COL19A1: variants seen among roughly 807,000 people sequenced by gnomAD.
COL19A1 encodes collagen alpha-1(XIX) chain.
In COL19A1, 159 loss-of-function variants were observed where a neutral mutation model predicts 190.2. The observed-to-expected ratio is 0.84, with a 90% CI of 0.73 to 0.95. The LOEUF is 0.95. COL19A1 is among the 40% of genes least tolerant of loss of function. The pLI, the probability that COL19A1 is intolerant of heterozygous loss-of-function variation, is 0.00. For synonymous variants in COL19A1, 509 were observed against 458.9 expected, an observed-to-expected ratio of 1.11 and a Z score of -1.39; for missense variants, 1,418 against 1,431.9, an observed-to-expected ratio of 0.99 and a Z score of 0.16.
chr6:69,993,619 T>C (rs1476465781), intron 11 of COL19A1, among the ~76,000 whole-genome samples: 1 of 152,126 alleles, frequency 6.6e-6, no homozygotes, highest in East Asian at 1.9e-4. Context: ...TTTTCATTAC[T>C]GATTCCATTT....
At chr6:69,880,854 G>T (rs553493912) in intron 2 of COL19A1, among the ~76,000 whole-genome samples, 1 of 152,250 alleles carries the variant, frequency 6.6e-6, no homozygotes, top group South Asian at 2.1e-4. Flanking sequence ...ATTCTGATAC[G>T]ATTTCTACTC....
chr6:70,144,296 A>T (rs1446757556), intron 24 of COL19A1, 33 bp downstream of exon 24: 3 of 1,548,804 alleles, frequency 1.9e-6, no homozygotes, highest in South Asian at 1.1e-5. Flanking sequence ...TTTATATGTT[A>T]AGTAGATAGG....
intron 15 of COL19A1, among the ~76,000 whole-genome samples, chr6:70,091,431 A>C (rs1782919432): frequency 6.6e-6 from 1 of 152,212 alleles, no homozygotes; most frequent in Non-Finnish European, 1.5e-5. Context: ...ATGGTAAAGC[A>C]TCTAACCCAC....
intron 15 of COL19A1, among the ~76,000 whole-genome samples, chr6:70,095,951 G>T (rs1376765054): frequency 3.9e-5 from 6 of 152,052 alleles, no homozygotes; most frequent in Non-Finnish European, 8.8e-5. Context: ...TGACATTTGG[G>T]TTAGTTCCAC....
intron 42 of COL19A1, 141 bp downstream of exon 42, chr6:70,176,705 A>C: frequency 1.7e-6 from 1 of 595,210 alleles, no homozygotes; most frequent in Non-Finnish European, 2.7e-6. Flanking sequence ...TAGTTTCATA[A>C]ATAATGCCAC....
chr6:69,998,232 A>C (rs1777039178), intron 11 of COL19A1, among the ~76,000 whole-genome samples: 1 of 152,242 alleles, frequency 6.6e-6, no homozygotes, highest in Non-Finnish European at 1.5e-5. Context: ...GAAGTCCCAC[A>C]TGCAAATACA....
intron 27 of COL19A1, among the ~76,000 whole-genome samples, chr6:70,148,538 G>A (rs1238724744): frequency 6.6e-6 from 1 of 152,160 alleles, no homozygotes; most frequent in Admixed American, 6.5e-5. Context: ...AGCAGTGAAG[G>A]GTTATGTTGT....
intron 14 of COL19A1, among the ~76,000 whole-genome samples, chr6:70,036,836 A>C (rs1187766927): frequency 6.6e-6 from 1 of 152,168 alleles, no homozygotes; most frequent in Admixed American, 6.5e-5. Context: ...AGCCCTTCCC[A>C]TAGGTAGAAC....
chr6:70,047,952 T>C (rs1779997802), intron 14 of COL19A1, among the ~76,000 whole-genome samples: 1 of 152,152 alleles, frequency 6.6e-6, no homozygotes, highest in African/African-American at 2.4e-5. Flanking sequence ...TTTTAGTTCC[T>C]AGGAAAATGG....
chr6:70,190,397 T>C lies in COL19A1; in HGVS notation c.3094+16T>C. 1.3e-6 allele frequency: 2 copies of C among 1,562,244 alleles called. No individual in the cohort carries two copies. Among genetic ancestry groups the C allele is most frequent in the Non-Finnish European group, 1.8e-6 (2 of 1,137,074 alleles). On this transcript the variant is annotated intron_variant, in intron 48 of 50. Transcript: ENST00000620364. Reference sequence around the variant, plus strand: ...ATTTTTGAAGGTTAGATTTTCTTAATAACATTTTCGAATTTTTCACTGATT... The same window carrying C: ...ATTTTTGAAGGTTAGATTTTCTTAACAACATTTTCGAATTTTTCACTGATT...
chr6:70,094,713 A>G (rs1783136971), intron 15 of COL19A1, among the ~76,000 whole-genome samples: 1 of 152,232 alleles, frequency 6.6e-6, no homozygotes, highest in African/African-American at 2.4e-5. Flanking sequence ...ACTGCAAGTC[A>G]TCCTGGAAGC....
intron 19 of COL19A1, among the ~76,000 whole-genome samples, chr6:70,140,703 G>C (rs537446928): frequency 3.3e-5 from 5 of 152,236 alleles, no homozygotes; most frequent in Non-Finnish European, 7.4e-5. Flanking sequence ...CAATTTGTCA[G>C]CCACTTGGGA....
At chr6:70,099,185 C>G (rs1224136384) in intron 15 of COL19A1, among the ~76,000 whole-genome samples, 1 of 152,038 alleles carries the variant, frequency 6.6e-6, no homozygotes, top group Admixed American at 6.6e-5. Context: ...CCTCTATCCT[C>G]CACAAGTCAC....
At chr6:69,979,640 C>T (rs1472504462) in intron 11 of COL19A1, among the ~76,000 whole-genome samples, 1 of 151,538 alleles carries the variant, frequency 6.6e-6, no homozygotes, top group Non-Finnish European at 1.5e-5. Context: ...ATTAAGTAAC[C>T]TATGTAGCAC....
At chr6:69,940,673 A>G (rs1261399789) in intron 9 of COL19A1, among the ~76,000 whole-genome samples, 1 of 152,048 alleles carries the variant, frequency 6.6e-6, no homozygotes, top group Non-Finnish European at 1.5e-5. Context: ...AACAGCTGCA[A>G]TAAAGGAAAT....
At chr6:69,977,261 T>TA (rs1165176366) in intron 11 of COL19A1, among the ~76,000 whole-genome samples, 3 of 152,032 alleles carry the variant, frequency 2.0e-5, no homozygotes, top group African/African-American at 7.2e-5. Context: ...ATGTCCTTTG[T>TA]AGGGACATGG....
rs1389182208 is a variant in COL19A1, at chr6:70,156,202, C to T, written c.2155C>T (p.Pro719Ser). Residue 719 changes from proline (P) to serine (S), a missense_variant, in exon 32 of 51, where the codon CCT becomes TCT. Physicochemically the swap from Pro to Ser is moderately conservative, Grantham distance 74 (BLOSUM62 -1). Coordinates refer to ENST00000620364, the MANE Select transcript of COL19A1 (RefSeq NM_001858.6). ...NKGEEGGAGE[P>S]GKYDSMARKG... ...AGGAGAAGAAGGAGGTGCTGGTGAG[C>T]CTGGAAAGTATGATTCCATGGCCCG... 1 of 1,613,312 alleles carries T rather than the reference C, an allele frequency of 6.2e-7. No individual in the cohort carries two copies. The highest frequency in any genetic ancestry group is 8.5e-7 in the Non-Finnish European group (1 of 1,179,580).
At chr6:69,968,255 T>C (rs1233749633) in intron 11 of COL19A1, among the ~76,000 whole-genome samples, 1 of 152,230 alleles carries the variant, frequency 6.6e-6, no homozygotes, top group Non-Finnish European at 1.5e-5. Flanking sequence ...TCATTGATAT[T>C]GTTTTCTTAT....
chr6:69,980,599 TA>T (rs1458959522), intron 11 of COL19A1, among the ~76,000 whole-genome samples: 16 of 152,110 alleles, frequency 1.1e-4, no homozygotes, highest in African/African-American at 3.9e-4. Flanking sequence ...AAGTAGGAAA[TA>T]ATTGTTCTGA....
Sources: allele counts gnomAD v4.1 joint callset (sites outside exome capture counted in the v4.1 genomes callset), GRCh38; gene constraint gnomAD v4.1.1; transcripts MANE v1.5; gene names NCBI Gene and HGNC (gene_info 2026-07-23, HGNC 2026-07-21).